The following STS variants were observed in gnomAD, a reference collection of about 807,000 sequenced individuals.
STS encodes the protein steroid sulfatase, also known as steryl-sulfatase.
Under a neutral mutation model 26.8 loss-of-function variants are expected in STS, and 7 were observed. The ratio of observed to expected loss-of-function variants is 0.26; its 90% CI spans 0.15 to 0.49. The LOEUF is 0.49. Ranked by LOEUF, STS falls within the 20% of genes least tolerant of loss-of-function variation. The probability of loss-of-function intolerance (pLI) is 0.98; values close to 1 mark genes in which losing one functional copy is unlikely to be tolerated. For synonymous variants in STS, 199 were observed against 189.4 expected, an observed-to-expected ratio of 1.05 and a Z score of -0.42; for missense variants, 434 against 465.6, an observed-to-expected ratio of 0.93 and a Z score of 0.63.
At chrX:7,345,381 C>A (rs1182394029) in intron 10 of STS, among the ~76,000 whole-genome samples, 1 of 111,393 alleles carries the variant, frequency 9.0e-6, no homozygotes, top group African/African-American at 3.3e-5. Flanking sequence ...TAATCTATAA[C>A]CAAGATCTGA....
At chrX:7,231,658 A>C (rs369815327) in intron 2 of STS, among the ~76,000 whole-genome samples, 6 of 111,208 alleles carry the variant, frequency 5.4e-5, no homozygotes, top group African/African-American at 1.6e-4. Flanking sequence ...ATTGCAAGTT[A>C]TCTCACTGCA....
In STS at chrX:7,350,018, T is replaced by G. The variant is rs373981131; in HGVS notation, c.1494T>G (p.Phe498Leu). The G allele has an allele frequency of 4.1e-6, 5 of 1,211,748 alleles. No individual in the cohort carries two copies. The highest frequency in any genetic ancestry group is 5.6e-6 in the Non-Finnish European group (5 of 895,457). Residue 498 changes from phenylalanine to leucine, a missense_variant, in exon 11 of 11, where the codon TTT becomes TTG. Phe to Leu is a conservative substitution (Grantham distance 22). Transcript: ENST00000674429. ...CCCATCACGACCCACCTTTACTCTT[T>G]GATATTTCCAAAGATCCCAGAGAGA... The part of the protein sequence containing the change: ...YVTHHDPPLL[F>L]DISKDPRERN...
intron 2 of STS, among the ~76,000 whole-genome samples, chrX:7,192,229 C>T (rs1363235850): frequency 8.9e-6 from 1 of 111,741 alleles, no homozygotes; most frequent in South Asian, 3.7e-4. Context: ...CCCAGGAGAA[C>T]GTTTCACCTC....
chrX:7,152,191 A>G (rs1283708311), intron 1 of STS, among the ~76,000 whole-genome samples: 3 of 109,535 alleles, frequency 2.7e-5, no homozygotes, highest in Non-Finnish European at 5.7e-5. Context: ...TGACCTTGCG[A>G]TCCGCCCCCC....
At chrX:7,319,769 G>A (rs900554621) in intron 8 of STS, among the ~76,000 whole-genome samples, 13 of 106,904 alleles carry the variant, frequency 1.2e-4, no homozygotes, top group Non-Finnish European at 2.5e-4. Context: ...CAGTGCTCTT[G>A]CTGCAAAGAT....
At chrX:7,316,057 A>G (rs1926698917) in intron 8 of STS, among the ~76,000 whole-genome samples, 1 of 111,499 alleles carries the variant, frequency 9.0e-6, no homozygotes, top group Non-Finnish European at 1.9e-5. Context: ...TGACCAGGAC[A>G]TTTTCGTGGG....
intron 10 of STS, among the ~76,000 whole-genome samples, chrX:7,343,700 G>A (rs1303690203): frequency 4.5e-5 from 5 of 111,515 alleles, no homozygotes; most frequent in Non-Finnish European, 7.5e-5. Context: ...AACCTTGGCC[G>A]AAGCACCTGC....
intron 1 of STS, among the ~76,000 whole-genome samples, chrX:7,150,420 A>C (rs1932988362): frequency 9.1e-6 from 1 of 110,404 alleles, no homozygotes; most frequent in Non-Finnish European, 1.9e-5. Context: ...ATGGGGTTTT[A>C]CCATGTTGGC....
At chrX:7,165,490 T>A (rs1188762033) in intron 1 of STS, among the ~76,000 whole-genome samples, 1 of 109,093 alleles carries the variant, frequency 9.2e-6, no homozygotes, top group African/African-American at 3.3e-5. Context: ...AGTAAAAAAA[T>A]AAAATATCAG....
chrX:7,172,910 T>C, intron 1 of STS, among the ~76,000 whole-genome samples: 1 of 112,033 alleles, frequency 8.9e-6, no homozygotes, highest in Non-Finnish European at 1.9e-5. Flanking sequence ...TCAGCTCTTT[T>C]CTTTTTTCTC....
intron 5 of STS, among the ~76,000 whole-genome samples, chrX:7,258,648 A>G (rs1442559199): frequency 9.0e-6 from 1 of 111,451 alleles, no homozygotes; most frequent in African/African-American, 3.3e-5. Flanking sequence ...TCTTTCTTCC[A>G]ACATCTTGTT....
At chrX:7,296,128 A>G (rs1471614155) in intron 7 of STS, among the ~76,000 whole-genome samples, 3 of 111,264 alleles carry the variant, frequency 2.7e-5, no homozygotes, top group Admixed American at 1.9e-4. Context: ...CTCAGTCTGG[A>G]GGTTTAAGGT....
intron 9 of STS, among the ~76,000 whole-genome samples, chrX:7,327,409 G>A (rs1303517150): frequency 9.5e-6 from 1 of 104,885 alleles, no homozygotes; most frequent in African/African-American, 3.5e-5. Flanking sequence ...TTGAGATGGG[G>A]GTTTCACTCT....
Position 7,350,324 on chromosome X carries a change from T to C in STS, c.*63T>C. The C allele has an allele frequency of 8.7e-7, 1 of 1,153,488 alleles. No individual in the cohort carries two copies. Among genetic ancestry groups the C allele is most frequent in the East Asian group, 3.1e-5 (1 of 31,867 alleles). ...TCACCATCTTCACTACAAACACGCC[T>C]GAGAGTGGCACTGGGGAAACATAAC... On this transcript the variant is annotated 3_prime_UTR_variant, in exon 11 of 11. Transcript: ENST00000674429.
intron 2 of STS, among the ~76,000 whole-genome samples, chrX:7,238,995 TTTAA>T (rs1300956987): frequency 9.0e-6 from 1 of 111,548 alleles, no homozygotes; most frequent in African/African-American, 3.3e-5. Context: ...AAACATAATT[TTTAA>T]TTAGTATTTT....
intron 2 of STS, 80 bp from the exon 3 acceptor site, chrX:7,253,115 CA>C: frequency 8.9e-7 from 1 of 1,123,565 alleles, no homozygotes; most frequent in East Asian, 3.1e-5. Flanking sequence ...CCTACCACCT[CA>C]CCCCAGCCTG....
chrX:7,349,967 G>A lies in STS; in HGVS notation c.1443G>A (p.Val481=). The change falls in exon 11 of 11, where the codon GTG becomes GTA. Residue 481 remains valine (V), a synonymous_variant. Transcript: ENST00000674429. ...CCAACGGATGCTTTGCCACACACGT[G>A]TGCTTCTGTTTCGGGAGTTATGTCA... ...VGSNGCFATH[V]CFCFGSYVTH... The A allele has an allele frequency of 3.3e-6, 4 of 1,211,613 alleles. No individual in the cohort carries two copies. The highest frequency in any genetic ancestry group is 4.5e-6 in the Non-Finnish European group (4 of 895,426).
At chrX:7,335,626 G>T (rs1473148359) in intron 10 of STS, among the ~76,000 whole-genome samples, 7 of 112,013 alleles carry the variant, frequency 6.2e-5, no homozygotes, top group African/African-American at 1.9e-4. Flanking sequence ...GATCCCATTT[G>T]TCAATTTTGT....
At chrX:7,226,355 T>C (rs192769325) in intron 2 of STS, among the ~76,000 whole-genome samples, 1 of 112,302 alleles carries the variant, frequency 8.9e-6, no homozygotes, top group African/African-American at 3.2e-5. Flanking sequence ...CTGAGTAGTC[T>C]TAGGTTAGAT....
Sources: allele counts gnomAD v4.1 joint callset (sites outside exome capture counted in the v4.1 genomes callset), GRCh38; gene constraint gnomAD v4.1.1; transcripts MANE v1.5; gene names NCBI Gene and HGNC (gene_info 2026-07-23, HGNC 2026-07-21).